ATP2B3: variants seen among roughly 807,000 people sequenced by gnomAD.
ATP2B3 encodes ATPase plasma membrane Ca2+ transporting 3.
In ATP2B3, 12 loss-of-function variants were observed where a neutral mutation model predicts 70.8. That is an observed-to-expected ratio of 0.17 (90% CI 0.11 to 0.27). The LOEUF is 0.27. Ranked by LOEUF, ATP2B3 falls within the 10% of genes least tolerant of loss-of-function variation. ATP2B3 has a pLI of 1.00. For synonymous variants in ATP2B3, 460 were observed against 497.8 expected, an observed-to-expected ratio of 0.92 and a Z score of 1.01; for missense variants, 858 against 1,118.5, an observed-to-expected ratio of 0.77 and a Z score of 3.32.
At chrX:153,561,494 C>T (rs1432327030) in intron 19 of ATP2B3, among the ~76,000 whole-genome samples, 1 of 112,419 alleles carries the variant, frequency 8.9e-6, no homozygotes, top group Non-Finnish European at 1.9e-5. Context: ...TAGGGGCCCA[C>T]ATGGGAGAGC....
chrX:153,565,786 C>A (rs1398307356), intron 21 of ATP2B3, among the ~76,000 whole-genome samples: 1 of 112,686 alleles, frequency 8.9e-6, no homozygotes, highest in African/African-American at 3.2e-5. Context: ...CTCCACACCC[C>A]TCCCTGGAAC....
At chrX:153,535,233 G>C (rs986727942) in intron 2 of ATP2B3, among the ~76,000 whole-genome samples, 4 of 112,658 alleles carry the variant, frequency 3.6e-5, no homozygotes, top group Admixed American at 9.3e-5. Context: ...TGCGATGCTC[G>C]GCAGAGTGGG....
chrX:153,534,772 G>A (rs781843330), intron 2 of ATP2B3, among the ~76,000 whole-genome samples: 1 of 113,441 alleles, frequency 8.8e-6, no homozygotes, highest in East Asian at 2.8e-4. Flanking sequence ...TGTGTCGCGA[G>A]AGTAAACGCG....
chrX:153,568,940 TC>T (rs1469349412), intron 21 of ATP2B3, among the ~76,000 whole-genome samples: 3 of 112,577 alleles, frequency 2.7e-5, no homozygotes, highest in African/African-American at 9.7e-5. Context: ...GGTCAGGAAA[TC>T]CAAAGACACT....
chrX:153,542,954 G>T, intron 6 of ATP2B3, 89 bp from the exon 7 acceptor site: 1 of 1,092,587 alleles, frequency 9.2e-7, no homozygotes, highest in South Asian at 2.2e-5. Flanking sequence ...CTGCTTCCGG[G>T]AGACCCTGGG....
chrX:153,519,217 G>A (rs2089920821), intron 2 of ATP2B3, among the ~76,000 whole-genome samples: 2 of 112,462 alleles, frequency 1.8e-5, no homozygotes, highest in African/African-American at 6.5e-5. Context: ...AACAGGAGAG[G>A]CAAGGCCTGG....
At chrX:153,535,914 G>T (rs1366486840) in intron 2 of ATP2B3, among the ~76,000 whole-genome samples, 3 of 113,008 alleles carry the variant, frequency 2.7e-5, no homozygotes, top group Admixed American at 9.2e-5. Flanking sequence ...CAGGTTCTGG[G>T]CACCCATGGT....
chrX:153,558,822 T>C (rs1193747689), intron 17 of ATP2B3, among the ~76,000 whole-genome samples: 3 of 111,904 alleles, frequency 2.7e-5, no homozygotes, highest in African/African-American at 9.8e-5. Context: ...TCTGCCCTGA[T>C]GGACACATGG....
At chrX:153,579,366 C>T (rs1398586447) in intron 21 of ATP2B3, among the ~76,000 whole-genome samples, 1 of 112,655 alleles carries the variant, frequency 8.9e-6, no homozygotes. Flanking sequence ...GGTCCCGGCT[C>T]CAGCCATGGG....
At chrX:153,552,104 G>A (rs2090466292) in intron 12 of ATP2B3, among the ~76,000 whole-genome samples, 1 of 112,384 alleles carries the variant, frequency 8.9e-6, no homozygotes, top group Non-Finnish European at 1.9e-5. Flanking sequence ...CATCCCTGCT[G>A]GTGTGGGGGC....
At chrX:153,570,301 G>T (rs1439265795) in intron 21 of ATP2B3, among the ~76,000 whole-genome samples, 2 of 112,630 alleles carry the variant, frequency 1.8e-5, no homozygotes, top group Admixed American at 1.9e-4. Context: ...TAAGGATGCC[G>T]CTGTCACCTG....
At chrX:153,522,891 G>A (rs959861634) in intron 2 of ATP2B3, among the ~76,000 whole-genome samples, 2 of 12,301 alleles carry the variant, frequency 1.6e-4, no homozygotes, top group Non-Finnish European at 3.7e-4. Flanking sequence ...GGGAGGAGAC[G>A]TGGGTTTTTT....
At chrX:153,526,570 C>T (rs2090036742) in intron 2 of ATP2B3, among the ~76,000 whole-genome samples, 1 of 112,128 alleles carries the variant, frequency 8.9e-6, no homozygotes, top group African/African-American at 3.2e-5. Flanking sequence ...GCTCAGTTCA[C>T]GCGATTCAGA....
intron 11 of ATP2B3, 117 bp downstream of exon 11, chrX:153,549,856 TGCCCATCCCTG>T (rs1479340499): frequency 9.4e-7 from 1 of 1,061,528 alleles, no homozygotes; most frequent in East Asian, 3.3e-5. Flanking sequence ...TGAGAACTTT[TGCCCATCCCTG>T]GCCTCACAGG....
intron 13 of ATP2B3, among the ~76,000 whole-genome samples, chrX:153,555,777 TTTACTTCGAG>T (rs1557013222): frequency 8.9e-6 from 1 of 112,906 alleles, no homozygotes; most frequent in African/African-American, 3.2e-5. Context: ...CAGCAGAAAC[TTTACTTCGAG>T]TCCCATGCTT....
At chrX:153,553,920 A>G (rs782692693) in intron 13 of ATP2B3, among the ~76,000 whole-genome samples, 1 of 113,395 alleles carries the variant, frequency 8.8e-6, no homozygotes, top group Non-Finnish European at 1.9e-5. Context: ...GGGCCTCTGC[A>G]TGGCACCCAC....
Position 153,541,257 on chromosome X carries a change from C to A in ATP2B3, c.209-102C>A. The A allele has an allele frequency of 6.7e-6, 7 of 1,038,906 alleles. No homozygotes were observed. The South Asian group carries it at 1.4e-4, about 21-fold the overall frequency. 85.6% of individuals were successfully genotyped at this position (1,038,906 alleles called of 1,213,427 possible). On this transcript the variant is annotated intron_variant, in intron 3 of 21. Coordinates refer to ENST00000263519, the MANE Select transcript of ATP2B3 (RefSeq NM_001001344.3). ...AGACGGCCCCAGAGGGCTGCTGCCACCCCAGGAGCAGTCAGTCAGGGCCAC... is the reference window on the plus strand; with the variant it reads ...AGACGGCCCCAGAGGGCTGCTGCCAACCCAGGAGCAGTCAGTCAGGGCCAC...
chrX:153,535,286 G>C (rs2090174682), intron 2 of ATP2B3, among the ~76,000 whole-genome samples: 1 of 112,281 alleles, frequency 8.9e-6, no homozygotes, highest in South Asian at 3.7e-4. Context: ...GGGAGACTTT[G>C]GCTCCTTACT....
In ATP2B3 at chrX:153,580,489, A is replaced by T. The variant is rs1603141804; in HGVS notation, c.*191A>T. The T allele has an allele frequency of 2.3e-6, 1 of 432,536 alleles. No individual in the cohort carries two copies. Among genetic ancestry groups the T allele is most frequent in the East Asian group, 3.8e-5 (1 of 26,590 alleles). The allele number at this position is 432,536 out of a possible 1,213,427, so 35.6% of individuals were successfully genotyped here. On this transcript the variant is annotated 3_prime_UTR_variant, in exon 22 of 22. Transcript: ENST00000263519. Reference sequence around the variant, plus strand: ...CCATTCAACAAGGGTGCAGCCTGCCACAGGCTCCTCATCCGGACTGAGGAA... The same window carrying T: ...CCATTCAACAAGGGTGCAGCCTGCCTCAGGCTCCTCATCCGGACTGAGGAA...
Sources: gnomAD v4.1 joint callset for allele counts (sites outside exome capture counted in the v4.1 genomes callset) on GRCh38, gnomAD v4.1.1 for gene constraint, MANE v1.5 for transcripts, NCBI Gene and HGNC (gene_info 2026-07-23, HGNC 2026-07-21) for gene names.